The following EYS variants were observed in gnomAD, a reference collection of about 807,000 sequenced individuals.
EYS encodes the protein EGF-like photoreceptor maintenance factor.
In EYS, 250 loss-of-function variants were observed where a neutral mutation model predicts 282.1. The observed-to-expected ratio is 0.89, with a 90% CI of 0.80 to 0.98. The LOEUF is 0.98. Among genes scored for constraint, EYS ranks in the 50% least tolerant of loss-of-function variants. The pLI, the probability that EYS is intolerant of heterozygous loss-of-function variation, is 0.00. For synonymous variants in EYS, 1,355 were observed against 1,282.9 expected, an observed-to-expected ratio of 1.06 and a Z score of -1.20; for missense variants, 4,016 against 3,709.0, an observed-to-expected ratio of 1.08 and a Z score of -2.15.
intron 37 of EYS, among the ~76,000 whole-genome samples, chr6:63,796,345 T>C (rs562435682): frequency 3.9e-5 from 6 of 152,282 alleles, no homozygotes; most frequent in Admixed American, 2.6e-4. Context: ...AAGGGGCATA[T>C]TGGGACTCTA....
chr6:64,302,079 A>G (rs573331405), intron 30 of EYS, among the ~76,000 whole-genome samples: 2 of 152,340 alleles, frequency 1.3e-5, no homozygotes, highest in South Asian at 4.1e-4. Context: ...AAATCAACGT[A>G]CACATCCTAT....
chr6:65,274,088 AC>A (rs1385831684), intron 12 of EYS, among the ~76,000 whole-genome samples: 3 of 152,060 alleles, frequency 2.0e-5, no homozygotes, highest in Non-Finnish European at 2.9e-5. Flanking sequence ...CCCCAGACAC[AC>A]CCTGTGGTTA....
intron 22 of EYS, among the ~76,000 whole-genome samples, chr6:64,642,143 A>G (rs1768179979): frequency 6.6e-6 from 1 of 152,146 alleles, no homozygotes; most frequent in South Asian, 2.1e-4. Flanking sequence ...CCAACTCTTA[A>G]GTTTCTGATT....
intron 22 of EYS, among the ~76,000 whole-genome samples, chr6:64,762,218 A>G (rs1773181811): frequency 6.6e-6 from 1 of 152,184 alleles, no homozygotes; most frequent in African/African-American, 2.4e-5. Flanking sequence ...TTTAAAAATG[A>G]CTTTGTAATG....
chr6:64,476,937 G>A (rs1268925453), intron 26 of EYS, among the ~76,000 whole-genome samples: 1 of 152,024 alleles, frequency 6.6e-6, no homozygotes, highest in East Asian at 1.9e-4. Context: ...CATCTACCTA[G>A]TAGCCATATT....
At chr6:64,619,173 T>C (rs1439798848) in intron 23 of EYS, among the ~76,000 whole-genome samples, 1 of 152,206 alleles carries the variant, frequency 6.6e-6, no homozygotes, top group African/African-American at 2.4e-5. Flanking sequence ...TATACACATT[T>C]ATTACAGTGT....
At chr6:64,340,507 T>C (rs1400061059) in intron 29 of EYS, among the ~76,000 whole-genome samples, 1 of 151,902 alleles carries the variant, frequency 6.6e-6, no homozygotes, top group African/African-American at 2.4e-5. Context: ...CTGGGATAAC[T>C]GGCTAGCCAT....
intron 19 of EYS, among the ~76,000 whole-genome samples, chr6:64,862,685 A>AT (rs142710649): frequency 1.3e-5 from 2 of 151,748 alleles, no homozygotes; most frequent in African/African-American, 2.4e-5. Context: ...AATTATTATT[A>AT]TTTTTTTGCA....
At chr6:64,764,979 C>A (rs7753587) in intron 22 of EYS, among the ~76,000 whole-genome samples, 1 of 152,042 alleles carries the variant, frequency 6.6e-6, no homozygotes, top group African/African-American at 2.4e-5. Flanking sequence ...TCAGATGTAC[C>A]ACCTACCTTG....
chr6:64,886,167 T>G (rs1467474806), intron 19 of EYS, among the ~76,000 whole-genome samples: 1 of 151,906 alleles, frequency 6.6e-6, no homozygotes, highest in Non-Finnish European at 1.5e-5. Context: ...TCACCAGAAA[T>G]TTAGAGGGCT....
intron 35 of EYS, among the ~76,000 whole-genome samples, chr6:63,920,770 G>A (rs1764546844): frequency 6.6e-6 from 1 of 152,158 alleles, no homozygotes; most frequent in Admixed American, 6.5e-5. Context: ...TTTCACACTT[G>A]GTCCACCTAG....
chr6:65,638,548 G>A (rs545703481), intron 2 of EYS, among the ~76,000 whole-genome samples: 2 of 152,298 alleles, frequency 1.3e-5, no homozygotes, highest in South Asian at 2.1e-4. Flanking sequence ...AAGCTTCTGG[G>A]TGCCACCGCA....
At chr6:65,478,861 T>C (rs1765500017) in intron 5 of EYS, among the ~76,000 whole-genome samples, 1 of 152,172 alleles carries the variant, frequency 6.6e-6, no homozygotes, top group Non-Finnish European at 1.5e-5. Context: ...TTTTTTCAGA[T>C]GAACTCTCTC....
At chr6:64,366,911 A>G (rs571141333) in intron 29 of EYS, among the ~76,000 whole-genome samples, 2 of 152,214 alleles carry the variant, frequency 1.3e-5, no homozygotes, top group Admixed American at 6.6e-5. Context: ...AGAAGGAATG[A>G]GATGTGGAAA....
chr6:65,588,784 T>A (rs916679664), intron 2 of EYS, among the ~76,000 whole-genome samples: 2 of 152,008 alleles, frequency 1.3e-5, no homozygotes, highest in Admixed American at 6.6e-5. Flanking sequence ...ATTCTATAAC[T>A]CCTAAACTAA....
At chr6:64,107,544 T>C (rs1358026301) in intron 31 of EYS, among the ~76,000 whole-genome samples, 2 of 151,746 alleles carry the variant, frequency 1.3e-5, no homozygotes, top group African/African-American at 2.4e-5. Flanking sequence ...GCTGATTAGA[T>C]TGTGCCCACC....
At chr6:64,549,728 G>A (rs1320289505) in intron 26 of EYS, among the ~76,000 whole-genome samples, 2 of 119,214 alleles carry the variant, frequency 1.7e-5, no homozygotes, top group Non-Finnish European at 3.3e-5. Flanking sequence ...TACAGCACAT[G>A]AAATCTTTTT....
chr6:64,423,165 T>A (rs918238404), intron 28 of EYS, among the ~76,000 whole-genome samples: 2 of 152,146 alleles, frequency 1.3e-5, no homozygotes, highest in Non-Finnish European at 2.9e-5. Flanking sequence ...CTCAAAGTAC[T>A]CAGATTTTAA....
Position 64,098,088 on chromosome 6 carries a change from G to A in EYS, c.6425-16086C>T, listed in dbSNP as rs191531893. Reference sequence around the variant, plus strand: ...TCTTACTGGGTCTAGTAAACATTTTGTACAACACATTGGAAAACTATTTGG... The same window carrying A: ...TCTTACTGGGTCTAGTAAACATTTTATACAACACATTGGAAAACTATTTGG... On this transcript the variant is annotated intron_variant, in intron 31 of 42. Coordinates refer to ENST00000503581, the MANE Select transcript of EYS (RefSeq NM_001142800.2). Among the ~76,000 whole-genome samples the A allele has an allele frequency of 2.2e-3, 342 of 152,190 alleles. 1 individual carries two copies. The highest frequency in any genetic ancestry group is 3.8e-3 in the Admixed American group (58 of 15,290).
Sources: gnomAD v4.1 joint callset for allele counts (sites outside exome capture counted in the v4.1 genomes callset) on GRCh38, gnomAD v4.1.1 for gene constraint, MANE v1.5 for transcripts, NCBI Gene and HGNC (gene_info 2026-07-23, HGNC 2026-07-21) for gene names.